Variants in EFCAB8 observed in about 807,000 individuals in gnomAD.
EFCAB8 encodes EF-hand calcium binding domain 8, also known as EF-hand calcium-binding domain-containing protein 8.
Under a neutral mutation model 116.3 loss-of-function variants are expected in EFCAB8, and 100 were observed. The ratio of observed to expected loss-of-function variants is 0.86; its 90% CI spans 0.73 to 1.02. The LOEUF (loss-of-function observed/expected upper bound fraction) is 1.02, where lower values mean the gene tolerates loss of function less well. Ranked by LOEUF, EFCAB8 falls within the 50% of genes least tolerant of loss-of-function variation. EFCAB8 has a pLI of 0.00. For synonymous variants in EFCAB8, 558 were observed against 567.9 expected, an observed-to-expected ratio of 0.98 and a Z score of 0.25; for missense variants, 1,320 against 1,416.9, an observed-to-expected ratio of 0.93 and a Z score of 1.10.
At chr20:32,889,627 C>T (rs1171347279) in intron 7 of EFCAB8, among the ~76,000 whole-genome samples, 1 of 152,172 alleles carries the variant, frequency 6.6e-6, no homozygotes, top group East Asian at 1.9e-4. Context: ...AAGCCAGAGG[C>T]CATACTGGTC....
chr20:32,955,714 T>C (rs1473381901), intron 23 of EFCAB8, among the ~76,000 whole-genome samples: 1 of 152,190 alleles, frequency 6.6e-6, no homozygotes, highest in African/African-American at 2.4e-5. Context: ...TATCTTCTGT[T>C]CCACGTCCTG....
chr20:32,877,210 T>TC (rs201268457), intron 4 of EFCAB8, among the ~76,000 whole-genome samples: 9 of 140,270 alleles, frequency 6.4e-5, no homozygotes, highest in African/African-American at 1.5e-4. Flanking sequence ...TTTCTTTCTT[T>TC]TTTTTTTTTT....
chr20:32,872,871 C>T (rs957454877), intron 3 of EFCAB8, among the ~76,000 whole-genome samples: 85 of 146,162 alleles, frequency 5.8e-4, no homozygotes, highest in Admixed American at 3.5e-4. Flanking sequence ...GTGGGCGGAT[C>T]GCCTGTGGTC....
chr20:32,939,484 T>C (rs56865385), intron 22 of EFCAB8, among the ~76,000 whole-genome samples: 53,084 of 145,158 alleles, frequency 0.37, 12,550 homozygotes, highest in African/African-American at 0.51. Context: ...GGGGTTTCAC[T>C]GTATTGGTCA....
intron 5 of EFCAB8, among the ~76,000 whole-genome samples, chr20:32,884,125 C>T (rs991969994): frequency 1.3e-5 from 2 of 152,184 alleles, no homozygotes; most frequent in African/African-American, 4.8e-5. Context: ...CTATATTCTC[C>T]TATTTATTTG....
chr20:32,917,160 A>G, intron 17 of EFCAB8, 141 bp from the exon 18 acceptor site: 1 of 657,422 alleles, frequency 1.5e-6, no homozygotes, highest in Non-Finnish European at 2.6e-6. Flanking sequence ...TCAATGGGAC[A>G]TGGCTTCAGC....
intron 20 of EFCAB8, among the ~76,000 whole-genome samples, chr20:32,927,824 A>C (rs1209170201): frequency 2.0e-5 from 3 of 152,088 alleles, no homozygotes; most frequent in East Asian, 3.9e-4. Flanking sequence ...TTTTTTTCAA[A>C]AAATTTTTCT....
chr20:32,944,518 A>G (rs76707071), intron 23 of EFCAB8, among the ~76,000 whole-genome samples: 2,088 of 152,326 alleles, frequency 0.014, 50 homozygotes, highest in African/African-American at 0.044. Flanking sequence ...TTACAGTATT[A>G]CAGCATTCTG....
intron 5 of EFCAB8, among the ~76,000 whole-genome samples, chr20:32,881,654 A>G (rs552663104): frequency 6.6e-6 from 1 of 152,262 alleles, no homozygotes; most frequent in African/African-American, 2.4e-5. Context: ...TGCAAGGGAC[A>G]TCGGGTTCAG....
chr20:32,928,054 A>G (rs892124531), intron 20 of EFCAB8, among the ~76,000 whole-genome samples: 2 of 151,958 alleles, frequency 1.3e-5, no homozygotes, highest in African/African-American at 4.8e-5. Context: ...TGACTATTCT[A>G]CCTCATGCAA....
At chr20:32,892,084 G>T (rs1403473411) in intron 7 of EFCAB8, 129 bp from the exon 8 acceptor site, 8 of 780,462 alleles carry the variant, frequency 1.0e-5, no homozygotes, top group Admixed American at 9.2e-5. Context: ...AGCTGTCTGT[G>T]GTTGCCATGG....
chr20:32,920,324 TC>T (rs1568930859), intron 20 of EFCAB8, 109 bp downstream of exon 20: 1 of 1,419,502 alleles, frequency 7.0e-7, no homozygotes, highest in Non-Finnish European at 9.4e-7. Flanking sequence ...GGCCTGATTC[TC>T]CCCAGTGCCC....
Position 32,911,494 on chromosome 20 carries a change from C to T in EFCAB8, c.1572C>T (p.Cys524=). 6.7e-7 allele frequency: 1 copy of T among 1,490,124 alleles called. No individual in the cohort carries two copies. Among genetic ancestry groups the T allele is most frequent in the Non-Finnish European group, 9.0e-7 (1 of 1,112,718 alleles). 92.3% of individuals were successfully genotyped at this position (1,490,124 alleles called of 1,614,324 possible). Reference sequence around the variant, plus strand: ...GCTCCCTACAGGTGGTGAGTGGCTGCCTGCGCGGCACAGTGAGTGTGTGGG... The same window carrying T: ...GCTCCCTACAGGTGGTGAGTGGCTGTCTGCGCGGCACAGTGAGTGTGTGGG... ...SKIFKQVVSG[C]LRGTVSVWEV... The change falls in exon 16 of 27, where the codon TGC becomes TGT. Residue 524 remains cysteine (C), a synonymous_variant. Transcript: ENST00000400522.
intron 5 of EFCAB8, among the ~76,000 whole-genome samples, chr20:32,879,041 G>A (rs983896028): frequency 6.6e-6 from 1 of 152,232 alleles, no homozygotes; most frequent in Non-Finnish European, 1.5e-5. Context: ...GTCTGGAGAG[G>A]TCAAATGGCT....
At chr20:32,885,771 A>T in intron 6 of EFCAB8, 131 bp downstream of exon 6, 1 of 1,190,504 alleles carries the variant, frequency 8.4e-7, no homozygotes, top group Non-Finnish European at 1.2e-6. Context: ...CAGTCACAGC[A>T]CCTGGGTCCT....
At position 32,931,236 on chromosome 20, in the gene EFCAB8, G is replaced by C; in HGVS notation, c.2690G>C (p.Gly897Ala). 1 of 1,551,102 alleles carries C rather than the reference G, an allele frequency of 6.4e-7. No individual in the cohort carries two copies. The highest frequency in any genetic ancestry group is 1.2e-5 in the South Asian group (1 of 83,974). ...LIDKQPFQSSGAKVVSEAHNK... is the reference protein window; with the variant it reads ...LIDKQPFQSSAAKVVSEAHNK... ...GATAAACAGCCATTCCAATCCAGTG[G>C]GGCCAAGGTTGTCTCTGAAGCACAC... The change falls in exon 22 of 27, where the codon GGG becomes GCG. Residue 897 changes from glycine (G) to alanine (A), a missense_variant. Gly to Ala is a moderately conservative substitution (Grantham distance 60). Coordinates refer to ENST00000400522, the MANE Select transcript of EFCAB8 (RefSeq NM_001143967.2).
intron 20 of EFCAB8, among the ~76,000 whole-genome samples, chr20:32,929,348 A>C (rs894144403): frequency 7.9e-5 from 12 of 152,126 alleles, no homozygotes; most frequent in Admixed American, 2.6e-4. Flanking sequence ...TGACCCTGGC[A>C]CCGGGGCCAG....
chr20:32,958,550 A>G lies in EFCAB8; in HGVS notation c.3089A>G (p.Gln1030Arg), dbSNP rs1225517194. 4.8e-6 allele frequency: 2 copies of G among 415,800 alleles called. No individual in the cohort carries two copies. The highest frequency in any genetic ancestry group is 2.1e-5 in the African/African-American group (1 of 48,622). The allele number at this position is 415,800 out of a possible 1,614,324, so 25.8% of individuals were successfully genotyped here. A position where few individuals can be genotyped will look rare whatever the true frequency, so the allele number is the denominator to read the frequency against. ...TTQKVLHLEL[Q>R]EQRDLAEALI... ...CAGAAGGTCTTACATCTGGAGCTGC[A>G]GTGAGTGAGCACAGCCTGCTTGATC... is the stretch of plus-strand genomic sequence containing the variant. The change falls in exon 24 of 27, where the codon CAG becomes CGG. Residue 1030 changes from glutamine to arginine, a missense_variant and splice_region_variant. Transcript: ENST00000400522.
intron 17 of EFCAB8, among the ~76,000 whole-genome samples, chr20:32,914,802 G>T (rs1383196436): frequency 6.6e-6 from 1 of 152,182 alleles, no homozygotes; most frequent in East Asian, 1.9e-4. Context: ...TGAGGTTTGG[G>T]TGGGGACACA....
Sources: gnomAD v4.1 joint callset for allele counts (sites outside exome capture counted in the v4.1 genomes callset) on GRCh38, gnomAD v4.1.1 for gene constraint, MANE v1.5 for transcripts, NCBI Gene and HGNC (gene_info 2026-07-23, HGNC 2026-07-21) for gene names.